The following VWC2L variants were observed in gnomAD, a reference collection of about 807,000 sequenced individuals.
The protein encoded by VWC2L is von Willebrand factor C domain containing 2 like.
Under a neutral mutation model 21.6 loss-of-function variants are expected in VWC2L, and 10 were observed. The observed-to-expected ratio is 0.46, with a 90% CI of 0.29 to 0.78. The LOEUF (loss-of-function observed/expected upper bound fraction) is 0.78. Ranked by LOEUF, VWC2L falls within the 30% of genes least tolerant of loss-of-function variation. VWC2L has a pLI of 0.10. For missense variants in VWC2L, 209 were observed against 277.1 expected (o/e 0.75, Z 1.74); for synonymous variants, 96 against 94.3 (o/e 1.02, Z -0.10).
intron 2 of VWC2L, among the ~76,000 whole-genome samples, chr2:214,420,706 G>A (rs1485101167): frequency 6.6e-6 from 1 of 152,142 alleles, no homozygotes; most frequent in Non-Finnish European, 1.5e-5. Context: ...GTCACCAGGG[G>A]CATTTTTAAG....
chr2:214,454,598 CTTTT>C (rs34032234), intron 3 of VWC2L, among the ~76,000 whole-genome samples: 4 of 64,144 alleles, frequency 6.2e-5, no homozygotes, highest in Non-Finnish European at 8.1e-5. Context: ...GATTGATTTT[CTTTT>C]TTTTTTTTTT....
At chr2:214,554,435 G>A (rs1387403938) in intron 3 of VWC2L, among the ~76,000 whole-genome samples, 3 of 152,022 alleles carry the variant, frequency 2.0e-5, no homozygotes, top group Non-Finnish European at 2.9e-5. Context: ...GGGCCGAGGC[G>A]GGTGGATCAC....
At chr2:214,437,668 C>CT (rs1485679930) in intron 3 of VWC2L, among the ~76,000 whole-genome samples, 5 of 152,156 alleles carry the variant, frequency 3.3e-5, no homozygotes, top group African/African-American at 1.2e-4. Context: ...CAATGGCCAT[C>CT]TTTCTCTATT....
chr2:214,423,561 T>C (rs1051913351), intron 2 of VWC2L, among the ~76,000 whole-genome samples: 4 of 152,138 alleles, frequency 2.6e-5, no homozygotes, highest in African/African-American at 7.2e-5. Context: ...CAATTGTCTA[T>C]AGAAATGTGA....
At chr2:214,521,234 GATAA>G (rs72394017) in intron 3 of VWC2L, among the ~76,000 whole-genome samples, 47,010 of 140,048 alleles carry the variant, frequency 0.34, 7,831 homozygotes, top group Non-Finnish European at 0.36. Flanking sequence ...CCATCTCAAA[GATAA>G]ATAAATAAAT....
intron 3 of VWC2L, among the ~76,000 whole-genome samples, chr2:214,533,050 G>A (rs796313122): frequency 2.6e-5 from 4 of 151,920 alleles, no homozygotes; most frequent in African/African-American, 9.7e-5. Context: ...TGAAACCCAG[G>A]ACAGTCTACA....
chr2:214,443,401 A>C (rs79895584), intron 3 of VWC2L, among the ~76,000 whole-genome samples: 5,156 of 152,058 alleles, frequency 0.034, 276 homozygotes, highest in African/African-American at 0.12. Context: ...CAAAAAAAAA[A>C]CCTGGATTTT....
chr2:214,433,789 G>A (rs1364918029), intron 2 of VWC2L, among the ~76,000 whole-genome samples: 1 of 152,142 alleles, frequency 6.6e-6, no homozygotes, highest in Non-Finnish European at 1.5e-5. Flanking sequence ...TGAGCAAGAG[G>A]ACAACAATAG....
chr2:214,550,993 C>T (rs533429789), intron 3 of VWC2L, among the ~76,000 whole-genome samples: 16 of 152,268 alleles, frequency 1.1e-4, no homozygotes, highest in African/African-American at 3.6e-4. Context: ...AACCCTATGA[C>T]TCAGCTACAC....
At chr2:214,536,549 A>G (rs1689532480) in intron 3 of VWC2L, among the ~76,000 whole-genome samples, 1 of 152,102 alleles carries the variant, frequency 6.6e-6, no homozygotes, top group African/African-American at 2.4e-5. Context: ...GAAAAAAAGC[A>G]TAGAAATGAC....
intron 2 of VWC2L, among the ~76,000 whole-genome samples, chr2:214,420,371 C>A (rs1375961622): frequency 1.3e-5 from 2 of 151,940 alleles, no homozygotes; most frequent in Admixed American, 1.3e-4. Context: ...AGCTGAGGAC[C>A]AGACTTATGA....
intron 3 of VWC2L, among the ~76,000 whole-genome samples, chr2:214,444,432 T>G (rs1020282133): frequency 5.3e-5 from 8 of 151,920 alleles, no homozygotes; most frequent in African/African-American, 1.9e-4. Context: ...TAAAACCTAT[T>G]AAAAATAATA....
At chr2:214,529,662 A>T (rs185145263) in intron 3 of VWC2L, among the ~76,000 whole-genome samples, 9 of 152,146 alleles carry the variant, frequency 5.9e-5, no homozygotes, top group African/African-American at 2.2e-4. Flanking sequence ...GCAGCTTTAT[A>T]TCTAAATTAT....
At chr2:214,475,414 C>T (rs1409291475) in intron 3 of VWC2L, among the ~76,000 whole-genome samples, 1 of 151,882 alleles carries the variant, frequency 6.6e-6, no homozygotes, top group Non-Finnish European at 1.5e-5. Context: ...GAAATGTGCT[C>T]TTGTCATTTA....
chr2:214,477,806 T>C (rs1324825751), intron 3 of VWC2L, among the ~76,000 whole-genome samples: 1 of 152,270 alleles, frequency 6.6e-6, no homozygotes, highest in Non-Finnish European at 1.5e-5. Flanking sequence ...TGTTAGATAA[T>C]GCTATTACAA....
intron 3 of VWC2L, among the ~76,000 whole-genome samples, chr2:214,438,146 C>G (rs538162512): frequency 6.6e-6 from 1 of 151,854 alleles, no homozygotes; most frequent in East Asian, 1.9e-4. Context: ...CAAGAAAGAA[C>G]AATAAGAGGA....
In VWC2L at chr2:214,542,795, T is replaced by G. The variant is rs541055663; in HGVS notation, c.521-32877T>G. Among the ~76,000 whole-genome samples, 36 of 152,298 alleles carry G rather than the reference T, an allele frequency of 2.4e-4. No individual in the cohort carries two copies. In the South Asian group the frequency reaches 7.0e-3, roughly 30 times the overall value. ...GTGGTTAAAGCTAATGGCTGTACAA[T>G]TTTCATACACTTTCATCAAAGACAT... On this transcript the variant is annotated intron_variant, in intron 3 of 3. Coordinates refer to ENST00000312504, the MANE Select transcript of VWC2L (RefSeq NM_001080500.4).
At chr2:214,474,623 A>G (rs1688478344) in intron 3 of VWC2L, among the ~76,000 whole-genome samples, 1 of 152,102 alleles carries the variant, frequency 6.6e-6, no homozygotes, top group African/African-American at 2.4e-5. Context: ...AATATAATGA[A>G]GTGGCTTTGA....
At chr2:214,444,903 A>T (rs572496794) in intron 3 of VWC2L, among the ~76,000 whole-genome samples, 2 of 152,018 alleles carry the variant, frequency 1.3e-5, no homozygotes, top group Non-Finnish European at 2.9e-5. Flanking sequence ...AAATCAAATC[A>T]TAACGGTATG....
Sources: gnomAD v4.1 joint callset for allele counts (sites outside exome capture counted in the v4.1 genomes callset) on GRCh38, gnomAD v4.1.1 for gene constraint, MANE v1.5 for transcripts, NCBI Gene and HGNC (gene_info 2026-07-23, HGNC 2026-07-21) for gene names.